The following EIF2AK4 variants were observed in gnomAD, a reference collection of about 807,000 sequenced individuals.
EIF2AK4 encodes the protein eukaryotic translation initiation factor 2 alpha kinase 4, also known as eIF-2-alpha kinase GCN2.
In EIF2AK4, 139 loss-of-function variants were observed where a neutral mutation model predicts 211.1. That is an observed-to-expected ratio of 0.66 (90% CI 0.57 to 0.76). The LOEUF is 0.76. EIF2AK4 is among the 30% of genes least tolerant of loss of function. EIF2AK4 has a pLI of 0.00. For missense variants in EIF2AK4, 1,664 were observed against 2,043.8 expected, an observed-to-expected ratio of 0.81 and a Z score of 3.58; for synonymous variants, 710 against 751.3, an observed-to-expected ratio of 0.94 and a Z score of 0.90.
At chr15:40,002,030 G>T (rs1394021574) in intron 21 of EIF2AK4, among the ~76,000 whole-genome samples, 1 of 152,178 alleles carries the variant, frequency 6.6e-6, no homozygotes, top group African/African-American at 2.4e-5. Context: ...TCTCTATTAT[G>T]TTTCTGTTTG....
chr15:39,949,041 C>T, intron 3 of EIF2AK4, 75 bp from the exon 4 acceptor site: 3 of 1,566,410 alleles, frequency 1.9e-6, no homozygotes, highest in South Asian at 1.2e-5. Flanking sequence ...GTTTGCTTTC[C>T]TGTTCTGTAG....
Position 40,009,627 on chromosome 15 carries a change from G to A in EIF2AK4, c.3590G>A (p.Ser1197Asn). Residue 1197 changes from serine to asparagine, a missense_variant, in exon 26 of 39, where the codon AGT (serine) becomes AAT (asparagine). Ser to Asn is a conservative substitution (Grantham distance 46). Coordinates refer to ENST00000263791, the MANE Select transcript of EIF2AK4 (RefSeq NM_001013703.4). ...TCCATATCCCAGGAAAGAAATTACA[G>A]TATTTATTTGAACCATACCATGTTA... ...EFPALQERNYSIYLNHTMLLK... is the reference protein window; with the variant it reads ...EFPALQERNYNIYLNHTMLLK... The A allele has an allele frequency of 6.3e-7, 1 of 1,587,682 alleles. No individual in the cohort carries two copies. Among genetic ancestry groups the A allele is most frequent in the Non-Finnish European group, 8.6e-7 (1 of 1,168,326 alleles).
At chr15:40,029,285 CAAG>C (rs772618147) in intron 33 of EIF2AK4, 118 bp from the exon 34 acceptor site, 116 of 1,392,236 alleles carry the variant, frequency 8.3e-5, no homozygotes, top group Non-Finnish European at 9.8e-5. Context: ...CACCAATAAC[CAAG>C]AAGATGTTTT....
chr15:39,977,096 G>T, intron 12 of EIF2AK4: 1 of 402,770 alleles, frequency 2.5e-6, no homozygotes, highest in South Asian at 1.0e-4. Flanking sequence ...AGGGAAAAGG[G>T]GATTCATTTA....
chr15:40,033,849 A>G (rs112240497), intron 37 of EIF2AK4, among the ~76,000 whole-genome samples: 2,112 of 152,124 alleles, frequency 0.014, 49 homozygotes, highest in African/African-American at 0.049. Flanking sequence ...CAACATGGTG[A>G]AACCCCATCT....
chr15:39,953,976 GC>G lies in EIF2AK4; in HGVS notation c.587del (p.Ala196ValfsTer39). On this transcript the variant is annotated frameshift_variant, in exon 5 of 39. Transcript: ENST00000263791. LOFTEE classifies it high-confidence loss of function. Reference sequence around the variant, plus strand: ...AGAAGAGAAAAAAAGGAAAGAAATGGCTAAGCAGGTACCCTATCAACTCCAC... The same window carrying G: ...AGAAGAGAAAAAAAGGAAAGAAATGGTAAGCAGGTACCCTATCAACTCCAC... ...IKEEKKRKEM[A>X]KQERLEIASL... 1 of 1,591,652 alleles carries G rather than the reference GC, an allele frequency of 6.3e-7. No individual in the cohort carries two copies. Among genetic ancestry groups the G allele is most frequent in the Middle Eastern group, 1.7e-4 (1 of 6,038 alleles).
chr15:40,008,316 A>G lies in EIF2AK4; in HGVS notation c.3576+121A>G. 7 of 885,912 alleles carry G rather than the reference A, an allele frequency of 7.9e-6. No individual in the cohort carries two copies. In the South Asian group the frequency reaches 1.5e-4, roughly 19 times the overall value. The allele number at this position is 885,912 out of a possible 1,614,324, so 54.9% of individuals were successfully genotyped here. A position where few individuals can be genotyped will look rare whatever the true frequency, so the allele number is the denominator to read the frequency against. On this transcript the variant is annotated intron_variant, in intron 25 of 38. Transcript: ENST00000263791. ...TGTCCTGCAGATGAATCACATCTTT[A>G]CTAAAGTAACTGAGAAGAGCTTGCT...
chr15:40,026,265 G>A (rs924597408), intron 33 of EIF2AK4, among the ~76,000 whole-genome samples, 176 bp downstream of exon 33: 1 of 152,060 alleles, frequency 6.6e-6, no homozygotes, highest in African/African-American at 2.4e-5. Flanking sequence ...GACCAGCCTG[G>A]GCAACATACC....
At chr15:39,970,516 C>G (rs1323847421) in intron 9 of EIF2AK4, among the ~76,000 whole-genome samples, 2 of 151,880 alleles carry the variant, frequency 1.3e-5, no homozygotes, top group African/African-American at 2.4e-5. Flanking sequence ...AGGTCCACGC[C>G]TATACAGAAG....
intron 23 of EIF2AK4, among the ~76,000 whole-genome samples, chr15:40,003,590 T>G (rs1029082858): frequency 6.6e-6 from 1 of 152,172 alleles, no homozygotes; most frequent in Admixed American, 6.5e-5. Context: ...CAGTGTTGAG[T>G]GACCACAGCA....
In EIF2AK4 at chr15:40,006,887, A is replaced by G. The variant is rs1028859674; in HGVS notation, c.3358-129A>G. Reference sequence around the variant, plus strand: ...GAGCAGTGCATAACTTAGTGAATACACTAAAAGCCACTGAAGTACATACTT... The same window carrying G: ...GAGCAGTGCATAACTTAGTGAATACGCTAAAAGCCACTGAAGTACATACTT... On this transcript the variant is annotated intron_variant, in intron 23 of 38. Transcript: ENST00000263791. The G allele has an allele frequency of 6.1e-6, 4 of 655,408 alleles. No individual in the cohort carries two copies. The African/African-American group carries it at 7.3e-5, about 12-fold the overall frequency. 40.6% of individuals were successfully genotyped at this position (655,408 alleles called of 1,614,324 possible). A position where few individuals can be genotyped will look rare whatever the true frequency, so the allele number is the denominator to read the frequency against.
Position 40,002,798 on chromosome 15 carries a change from C to G in EIF2AK4, c.3235+10C>G, listed in dbSNP as rs1442104599. On this transcript the variant is annotated intron_variant, in intron 22 of 38. Transcript: ENST00000263791. ...ATCTTTAAAAGACATGGTATGTACG[C>G]CCTTTTTAAAAATGATATTTCTTCT... 1.2e-6 allele frequency: 2 copies of G among 1,613,778 alleles called. No individual in the cohort carries two copies. The highest frequency in any genetic ancestry group is 3.3e-5 in the Admixed American group (2 of 60,008).
At chr15:40,026,533 T>TAA (rs1481347723) in intron 33 of EIF2AK4, among the ~76,000 whole-genome samples, 45 of 152,324 alleles carry the variant, frequency 3.0e-4, no homozygotes, top group African/African-American at 1.1e-3. Context: ...AATGAACCAT[T>TAA]CTGTTGCTTC....
At chr15:39,974,200 T>G (rs1175359005) in intron 11 of EIF2AK4, 4 of 153,096 alleles carry the variant, frequency 2.6e-5, no homozygotes, top group Non-Finnish European at 5.8e-5. Flanking sequence ...CCAGCTATTA[T>G]TGGGACAGGA....
At chr15:39,964,459 T>C (rs575572472) in intron 7 of EIF2AK4, among the ~76,000 whole-genome samples, 46 of 152,204 alleles carry the variant, frequency 3.0e-4, no homozygotes, top group Middle Eastern at 3.4e-3. Flanking sequence ...ATGGCTAACA[T>C]TGGGGTCGGG....
intron 18 of EIF2AK4, among the ~76,000 whole-genome samples, chr15:39,993,075 TTCATCCATCCATCCATCC>T (rs2034968882): frequency 3.3e-5 from 3 of 90,054 alleles, no homozygotes; most frequent in Admixed American, 2.0e-4. Flanking sequence ...CATCCATCCA[TTCATCCATCCATCCATCC>T]ATCCATCCAT....
At chr15:39,960,036 G>T (rs749219475) in intron 6 of EIF2AK4, among the ~76,000 whole-genome samples, 64 of 151,934 alleles carry the variant, frequency 4.2e-4, no homozygotes, top group Non-Finnish European at 2.1e-4. Context: ...TGGTGGCGGG[G>T]GCCTATAGTC....
At chr15:39,960,689 A>T (rs1269205257) in intron 6 of EIF2AK4, among the ~76,000 whole-genome samples, 1 of 152,016 alleles carries the variant, frequency 6.6e-6, no homozygotes. Context: ...GTGGGAGGGA[A>T]CCCAGAGAGA....
At chr15:40,018,841 A>G (rs891966098) in intron 29 of EIF2AK4, among the ~76,000 whole-genome samples, 1 of 152,224 alleles carries the variant, frequency 6.6e-6, no homozygotes, top group Non-Finnish European at 1.5e-5. Context: ...CCATATTTCA[A>G]ATACTCAGTA....
Sources: allele counts gnomAD v4.1 joint callset (sites outside exome capture counted in the v4.1 genomes callset), GRCh38; gene constraint gnomAD v4.1.1; transcripts MANE v1.5; gene names NCBI Gene and HGNC (gene_info 2026-07-23, HGNC 2026-07-21).